DYM: variants seen among roughly 807,000 people sequenced by gnomAD.
The protein encoded by DYM is dyggve-Melchior-Clausen syndrome protein.
A neutral mutation model predicts 93.1 loss-of-function variants in DYM; 78 were observed. The ratio of observed to expected loss-of-function variants is 0.84; its 90% CI spans 0.70 to 1.01. DYM has a LOEUF of 1.01. DYM is among the 50% of genes least tolerant of loss of function. DYM has a pLI of 0.00. For synonymous variants in DYM, 321 were observed against 319.7 expected, an observed-to-expected ratio of 1.00 and a Z score of -0.04; for missense variants, 789 against 845.0, an observed-to-expected ratio of 0.93 and a Z score of 0.82.
chr18:49,312,038 C>T (rs768884254), intron 8 of DYM, among the ~76,000 whole-genome samples: 1 of 152,122 alleles, frequency 6.6e-6, no homozygotes, highest in Non-Finnish European at 1.5e-5. Flanking sequence ...CACTGGCCAT[C>T]TTTATCTCTA....
intron 1 of DYM, among the ~76,000 whole-genome samples, chr18:49,451,122 A>G (rs1202562964): frequency 6.6e-6 from 1 of 152,222 alleles, no homozygotes; most frequent in African/African-American, 2.4e-5. Context: ...TTCAGAGTCA[A>G]GGAAACTTAT....
At chr18:49,263,531 C>A (rs1300950243) in intron 11 of DYM, among the ~76,000 whole-genome samples, 2 of 151,546 alleles carry the variant, frequency 1.3e-5, no homozygotes, top group African/African-American at 4.8e-5. Flanking sequence ...GAGTTCAAGA[C>A]CAGCCTGGCC....
intron 15 of DYM, among the ~76,000 whole-genome samples, chr18:49,158,534 T>C (rs1380685877): frequency 6.6e-6 from 1 of 152,174 alleles, no homozygotes; most frequent in East Asian, 1.9e-4. Flanking sequence ...ACTGTTCCCA[T>C]GTTATATAAG....
At position 49,409,259 on chromosome 18, in the gene DYM, G is replaced by C. The variant is rs183995841; in HGVS notation, c.141-17614C>G. The stretch of plus-strand genomic sequence containing the variant: ...AGATTGCACCACTGCACTCTAGTCT[G>C]GGTGACAGAGTGAGACTCTGTCTCA... On this transcript the variant is annotated intron_variant, in intron 2 of 17. Transcript: ENST00000675505. Among the ~76,000 whole-genome samples, 58 of 149,680 alleles carry C rather than the reference G, an allele frequency of 3.9e-4. No homozygotes were observed. In the East Asian group the frequency reaches 0.011, roughly 28 times the overall value.
At chr18:49,065,436 C>T (rs1304358494) in intron 17 of DYM, among the ~76,000 whole-genome samples, 2 of 152,152 alleles carry the variant, frequency 1.3e-5, no homozygotes, top group Non-Finnish European at 2.9e-5. Flanking sequence ...GATCTTGGCT[C>T]ACCGCAACCT....
intron 17 of DYM, among the ~76,000 whole-genome samples, chr18:49,092,878 G>A (rs963545631): frequency 1.3e-5 from 2 of 152,192 alleles, no homozygotes; most frequent in African/African-American, 4.8e-5. Flanking sequence ...TGGGCTGAGA[G>A]GTCCTTGGGA....
In DYM at chr18:49,152,546, TG is replaced by T. The variant is rs753986575; in HGVS notation, c.1728+11138del. On this transcript the variant is annotated intron_variant, in intron 15 of 17. Transcript: ENST00000675505. The stretch of plus-strand genomic sequence containing the variant: ...GCTTGAATTTTAAAATCAATTGTAT[TG>T]GTACAACCATTATGAAAAGCAGCAG... 1.6e-4 allele frequency among the ~76,000 whole-genome samples: 25 copies of T among 152,314 alleles called. 1 individual carries two copies. The East Asian group carries it at 4.4e-3, about 27-fold the overall frequency.
rs989088464 is a variant in DYM, at chr18:49,363,056, C to A, written c.494+105G>T. ...GTGGATATAGAATCCTTAAAAGGCA[C>A]ACATATAAGTTCTATACAAGGACCC... On this transcript the variant is annotated intron_variant, in intron 6 of 17. Coordinates refer to ENST00000675505, the MANE Select transcript of DYM (RefSeq NM_001353214.3). 1.2e-5 allele frequency: 10 copies of A among 848,442 alleles called. No homozygotes were observed. In the African/African-American group the frequency reaches 1.5e-4, roughly 13 times the overall value. The allele number at this position is 848,442 out of a possible 1,614,324, so 52.6% of individuals were successfully genotyped here.
At chr18:49,119,348 T>C (rs1301628887) in intron 15 of DYM, among the ~76,000 whole-genome samples, 2 of 152,236 alleles carry the variant, frequency 1.3e-5, no homozygotes, top group African/African-American at 4.8e-5. Flanking sequence ...TTCATTTCTC[T>C]ACACTGTCAT....
chr18:49,215,520 C>T (rs1165112482), intron 13 of DYM, among the ~76,000 whole-genome samples: 1 of 152,162 alleles, frequency 6.6e-6, no homozygotes, highest in Admixed American at 6.5e-5. Flanking sequence ...ATAAACCACT[C>T]GTATCATCCC....
In DYM at chr18:49,430,434, T is replaced by C; in HGVS notation, c.-40A>G. On this transcript the variant is annotated 5_prime_UTR_variant, in exon 2 of 18. Transcript: ENST00000675505. ...AGATAATTTGTCCTTAAACCTGCATTTCCAAAAGACAACCTATAAAAAATA... is the reference window on the plus strand; with the variant it reads ...AGATAATTTGTCCTTAAACCTGCATCTCCAAAAGACAACCTATAAAAAATA... The C allele has an allele frequency of 6.2e-7, 1 of 1,610,562 alleles. No homozygotes were observed. Among genetic ancestry groups the C allele is most frequent in the Non-Finnish European group, 8.5e-7 (1 of 1,179,614 alleles).
chr18:49,304,634 A>C (rs1282398346), intron 8 of DYM, among the ~76,000 whole-genome samples: 5 of 152,108 alleles, frequency 3.3e-5, no homozygotes, highest in Admixed American at 3.3e-4. Flanking sequence ...ATGACTCTTC[A>C]TTACTGCTTC....
chr18:49,317,693 C>CCT, intron 8 of DYM, among the ~76,000 whole-genome samples: 1 of 96,060 alleles, frequency 1.0e-5, no homozygotes, highest in Admixed American at 1.1e-4. Flanking sequence ...TCCTTCCTTT[C>CCT]TTTCTTTCTT....
At chr18:49,408,325 G>A (rs1004358404) in intron 2 of DYM, among the ~76,000 whole-genome samples, 2 of 152,092 alleles carry the variant, frequency 1.3e-5, no homozygotes, top group African/African-American at 4.8e-5. Flanking sequence ...GATCTTACTG[G>A]TGGACATTTA....
At chr18:49,451,096 G>C (rs1369231902) in intron 1 of DYM, among the ~76,000 whole-genome samples, 1 of 152,066 alleles carries the variant, frequency 6.6e-6, no homozygotes, top group Non-Finnish European at 1.5e-5. Context: ...GAATATTGCT[G>C]ATCCTTGGTT....
rs960021106 is a variant in DYM at position 49,192,169 on chromosome 18, G to A, written c.1625+17382C>T. Among the ~76,000 whole-genome samples, 37 of 136,752 alleles carry A rather than the reference G, an allele frequency of 2.7e-4. 1 individual carries two copies. Among genetic ancestry groups the A allele is most frequent in the African/African-American group, 1.1e-4 (4 of 36,028 alleles). 89.7% of individuals were successfully genotyped at this position (136,752 alleles called of 152,430 possible). A position where few individuals can be genotyped will look rare whatever the true frequency, so the allele number is the denominator to read the frequency against. ...TGGTCTTGAACTCCTGGCCTCAAGCGATCCTTCCACCCAGAGTGCTGGGAT... is the reference window on the plus strand; with the variant it reads ...TGGTCTTGAACTCCTGGCCTCAAGCAATCCTTCCACCCAGAGTGCTGGGAT... On this transcript the variant is annotated intron_variant, in intron 14 of 17. Transcript: ENST00000675505.
At chr18:49,057,441 G>A (rs1286720157) in intron 17 of DYM, among the ~76,000 whole-genome samples, 2 of 152,238 alleles carry the variant, frequency 1.3e-5, no homozygotes, top group Non-Finnish European at 2.9e-5. Context: ...CCTGTGGCAC[G>A]ATGGGGCCAG....
intron 2 of DYM, among the ~76,000 whole-genome samples, chr18:49,420,104 C>T (rs2073474648): frequency 6.6e-6 from 1 of 151,600 alleles, no homozygotes; most frequent in African/African-American, 2.4e-5. Flanking sequence ...TAAGTAACCA[C>T]TTCAATATAA....
At chr18:49,183,514 A>G (rs1214225934) in intron 14 of DYM, among the ~76,000 whole-genome samples, 1 of 151,926 alleles carries the variant, frequency 6.6e-6, no homozygotes, top group Non-Finnish European at 1.5e-5. Context: ...CTGCCTGGCA[A>G]TTTTCGATTC....
Sources: gnomAD v4.1 joint callset for allele counts (sites outside exome capture counted in the v4.1 genomes callset) on GRCh38, gnomAD v4.1.1 for gene constraint, MANE v1.5 for transcripts, NCBI Gene and HGNC (gene_info 2026-07-23, HGNC 2026-07-21) for gene names.